Variants in LDLRAD3 observed in about 807,000 individuals in gnomAD.
The protein encoded by LDLRAD3 is low density lipoprotein receptor class A domain containing 3, also known as low-density lipoprotein receptor class A domain-containing protein 3.
LDLRAD3 carries 20 observed loss-of-function variants against 29.4 expected under a neutral mutation model. The ratio of observed to expected loss-of-function variants is 0.68; its 90% CI spans 0.48 to 0.99. The LOEUF (loss-of-function observed/expected upper bound fraction) is 0.99, where lower values mean the gene tolerates loss of function less well. Among genes scored for constraint, LDLRAD3 ranks in the 50% least tolerant of loss-of-function variants. The pLI, the probability that LDLRAD3 is intolerant of heterozygous loss-of-function variation, is 0.00. For synonymous variants in LDLRAD3, 157 were observed against 192.7 expected, an observed-to-expected ratio of 0.81 and a Z score of 1.53; for missense variants, 420 against 454.3, an observed-to-expected ratio of 0.92 and a Z score of 0.69.
intron 1 of LDLRAD3, among the ~76,000 whole-genome samples, chr11:36,026,435 G>A (rs1428813651): frequency 6.6e-6 from 1 of 152,178 alleles, no homozygotes; most frequent in Admixed American, 6.5e-5. Flanking sequence ...ATTAGGATTG[G>A]CTGGGTCAAA....
chr11:36,156,313 A>G (rs1446130010), intron 4 of LDLRAD3, among the ~76,000 whole-genome samples: 2 of 152,304 alleles, frequency 1.3e-5, no homozygotes, highest in African/African-American at 2.4e-5. Flanking sequence ...CTGTTTGCAC[A>G]TACACATTGT....
chr11:36,165,041 C>T (rs1338890647), intron 4 of LDLRAD3, among the ~76,000 whole-genome samples: 1 of 152,202 alleles, frequency 6.6e-6, no homozygotes, highest in African/African-American at 2.4e-5. Flanking sequence ...TTCCTGCTTC[C>T]ATAAATAATC....
rs796973228 is a variant in LDLRAD3 at position 36,110,634 on chromosome 11, A to G, written c.454+12173A>G. On this transcript the variant is annotated intron_variant, in intron 4 of 5. Coordinates refer to ENST00000315571, the MANE Select transcript of LDLRAD3 (RefSeq NM_174902.4). ...TTTGACTCTCTTGGGTCTTTCTAAC[A>G]TTCGTTCATGCACACATCATTTGCA... 1.8e-4 allele frequency among the ~76,000 whole-genome samples: 28 copies of G among 152,242 alleles called. 1 individual carries two copies. Among genetic ancestry groups the G allele is most frequent in the African/African-American group, 6.7e-4 (28 of 41,540 alleles).
intron 4 of LDLRAD3, among the ~76,000 whole-genome samples, chr11:36,173,441 G>GT (rs1273362656): frequency 6.7e-6 from 1 of 149,480 alleles, no homozygotes; most frequent in Non-Finnish European, 1.5e-5. Flanking sequence ...GCAGTATTTG[G>GT]TTTTTTGTCC....
chr11:36,121,933 C>T (rs1327385317), intron 4 of LDLRAD3, among the ~76,000 whole-genome samples: 1 of 152,194 alleles, frequency 6.6e-6, no homozygotes, highest in Non-Finnish European at 1.5e-5. Context: ...AGGCACTGCT[C>T]ATTCGTGTTT....
At chr11:36,148,532 A>G (rs1854231009) in intron 4 of LDLRAD3, among the ~76,000 whole-genome samples, 1 of 152,174 alleles carries the variant, frequency 6.6e-6, no homozygotes, top group African/African-American at 2.4e-5. Flanking sequence ...TACCAGTAGA[A>G]CTAGAAGGGA....
At chr11:36,079,662 C>T (rs1438358945) in intron 2 of LDLRAD3, among the ~76,000 whole-genome samples, 3 of 152,150 alleles carry the variant, frequency 2.0e-5, no homozygotes, top group Non-Finnish European at 2.9e-5. Context: ...GGCAGCACAG[C>T]AGCGAAGGGG....
chr11:36,124,270 A>G (rs7108243), intron 4 of LDLRAD3, among the ~76,000 whole-genome samples: 93,924 of 151,608 alleles, frequency 0.62, 29,829 homozygotes, highest in Non-Finnish European at 0.7. Context: ...TAGGAAGGCT[A>G]TTGAATACAT....
chr11:36,097,242 C>T (rs1287190253), intron 3 of LDLRAD3, among the ~76,000 whole-genome samples: 1 of 152,164 alleles, frequency 6.6e-6, no homozygotes, highest in African/African-American at 2.4e-5. Flanking sequence ...GAAATCGAGG[C>T]TACTAAGTTT....
chr11:36,081,847 T>G, intron 3 of LDLRAD3, 69 bp downstream of exon 3: 1 of 1,580,536 alleles, frequency 6.3e-7, no homozygotes, highest in Non-Finnish European at 8.7e-7. Flanking sequence ...TCCACATTGG[T>G]CACCCTCATC....
chr11:36,128,136 G>GATATATA (rs1853868434), intron 4 of LDLRAD3, among the ~76,000 whole-genome samples: 1 of 93,882 alleles, frequency 1.1e-5, no homozygotes, highest in Non-Finnish European at 2.2e-5. Context: ...ATATATATAT[G>GATATATA]TATATGACAT....
intron 4 of LDLRAD3, among the ~76,000 whole-genome samples, chr11:36,193,847 T>A (rs1854992383): frequency 6.6e-6 from 1 of 152,018 alleles, no homozygotes; most frequent in Admixed American, 6.6e-5. Flanking sequence ...GCTTTGGAGG[T>A]CTGACAGATT....
intron 4 of LDLRAD3, among the ~76,000 whole-genome samples, chr11:36,171,951 A>G (rs1042153109): frequency 8.3e-4 from 126 of 152,360 alleles, no homozygotes; most frequent in African/African-American, 2.9e-3. Flanking sequence ...ATCCACAAGC[A>G]TAGGGTGTGT....
Position 36,165,940 on chromosome 11 carries a change from TGCTTCCTCCCTCCCTC to T in LDLRAD3, c.455-61144_455-61129del, listed in dbSNP as rs1290110960. On this transcript the variant is annotated intron_variant, in intron 4 of 5. Coordinates refer to ENST00000315571, the MANE Select transcript of LDLRAD3 (RefSeq NM_174902.4). ...TATTTCTTTTCTAGGCTGACTGGCT[TGCTTCCTCCCTCCCTC>T]CCTCCCTCCCTCCCTCCCTCCCTTC... Among the ~76,000 whole-genome samples the T allele has an allele frequency of 8.1e-4, 111 of 137,408 alleles. 3 individuals carry two copies. Among genetic ancestry groups the T allele is most frequent in the African/African-American group, 1.8e-3 (62 of 34,356 alleles). The allele number at this position is 137,408 out of a possible 152,430, so 90.1% of individuals were successfully genotyped here.
chr11:36,093,105 C>T (rs1853307744), intron 3 of LDLRAD3, among the ~76,000 whole-genome samples: 1 of 152,126 alleles, frequency 6.6e-6, no homozygotes, highest in Non-Finnish European at 1.5e-5. Context: ...GTTTGTGGAC[C>T]AGGGAGAGCT....
chr11:36,214,146 G>T (rs1442805151), intron 4 of LDLRAD3, among the ~76,000 whole-genome samples: 1 of 152,214 alleles, frequency 6.6e-6, no homozygotes, highest in Non-Finnish European at 1.5e-5. Flanking sequence ...CAGGCAAGTT[G>T]TTCTAGGCGT....
rs111760117 is a variant in LDLRAD3, at chr11:35,965,459, A to T, written c.46+21315A>T. ...CTGTTCAGAGGCTTGACTGGAAGAG[A>T]GGAGGCTCCAAGGCTGTGGCTGGGG... On this transcript the variant is annotated intron_variant, in intron 1 of 5. Transcript: ENST00000315571. Among the ~76,000 whole-genome samples, 1,451 of 152,236 alleles carry T rather than the reference A, an allele frequency of 9.5e-3. 26 individuals are homozygous for T. The highest frequency in any genetic ancestry group is 0.033 in the African/African-American group (1,377 of 41,532).
intron 1 of LDLRAD3, among the ~76,000 whole-genome samples, chr11:35,977,361 G>T (rs553882274): frequency 6.6e-6 from 1 of 152,254 alleles, no homozygotes; most frequent in South Asian, 2.1e-4. Flanking sequence ...ACATTTTGTT[G>T]CAAAGAAGAC....
intron 1 of LDLRAD3, among the ~76,000 whole-genome samples, chr11:36,006,061 A>G (rs1225404198): frequency 6.6e-6 from 1 of 152,126 alleles, no homozygotes; most frequent in Non-Finnish European, 1.5e-5. Context: ...AACTTAAACA[A>G]AAACTGCGCC....
Sources: gnomAD v4.1 joint callset for allele counts (sites outside exome capture counted in the v4.1 genomes callset) on GRCh38, gnomAD v4.1.1 for gene constraint, MANE v1.5 for transcripts, NCBI Gene and HGNC (gene_info 2026-07-23, HGNC 2026-07-21) for gene names.